Variants in CDH18 observed in about 807,000 individuals in gnomAD.
CDH18 encodes cadherin 18, also known as cadherin-18.
A neutral mutation model predicts 67.9 loss-of-function variants in CDH18; 31 were observed. That is an observed-to-expected ratio of 0.46 (90% confidence interval 0.34 to 0.62). CDH18 has a LOEUF of 0.62. Ranked by LOEUF, CDH18 falls within the 20% of genes least tolerant of loss-of-function variation. The pLI, the probability that CDH18 is intolerant of heterozygous loss-of-function variation, is 0.01. For missense variants in CDH18, 890 were observed against 975.5 expected (o/e 0.91, Z 1.17); for synonymous variants, 362 against 347.2 (o/e 1.04, Z -0.48).
intron 11 of CDH18, among the ~76,000 whole-genome samples, chr5:19,492,550 T>C (rs1269800158): frequency 6.6e-6 from 1 of 152,114 alleles, no homozygotes; most frequent in African/African-American, 2.4e-5. Context: ...AGAAAAAAAC[T>C]ACATTTTAAT....
intron 1 of CDH18, among the ~76,000 whole-genome samples, chr5:20,269,271 C>G (rs938960813): frequency 2.0e-5 from 3 of 152,156 alleles, no homozygotes; most frequent in Non-Finnish European, 4.4e-5. Flanking sequence ...CTCTTATACA[C>G]TGTTGATGGG....
chr5:20,124,736 A>T (rs946328011), intron 2 of CDH18, among the ~76,000 whole-genome samples: 1 of 152,182 alleles, frequency 6.6e-6, no homozygotes, highest in African/African-American at 2.4e-5. Context: ...TTACCGATGC[A>T]TCCCAAAAAT....
In CDH18 at chr5:20,556,868, A is replaced by G. The variant is rs540635309; in HGVS notation, c.-580+18594T>C. 2.2e-4 allele frequency among the ~76,000 whole-genome samples: 34 copies of G among 152,296 alleles called. 1 individual carries two copies. Among genetic ancestry groups the G allele is most frequent in the African/African-American group, 8.2e-4 (34 of 41,578 alleles). On this transcript the variant is annotated intron_variant, in intron 1 of 14. Coordinates refer to the CDH18 transcript ENST00000507958. Reference sequence around the variant, plus strand: ...CTCTTAACTATGAGGATTTCAAATAATTGGTGACATTTTCTTATTATTCTT... The same window carrying G: ...CTCTTAACTATGAGGATTTCAAATAGTTGGTGACATTTTCTTATTATTCTT...
At chr5:19,705,995 A>G (rs745740739) in intron 5 of CDH18, among the ~76,000 whole-genome samples, 3 of 152,170 alleles carry the variant, frequency 2.0e-5, no homozygotes, top group Non-Finnish European at 2.9e-5. Flanking sequence ...AAAGCTTCTT[A>G]TTCTGGCTCA....
intron 1 of CDH18, among the ~76,000 whole-genome samples, chr5:20,545,888 C>T (rs1012168031): frequency 6.6e-6 from 1 of 152,166 alleles, no homozygotes; most frequent in African/African-American, 2.4e-5. Flanking sequence ...ATTTTCCAAA[C>T]CTTTATGCTC....
chr5:19,957,818 A>G (rs74481565), intron 2 of CDH18, among the ~76,000 whole-genome samples: 11,947 of 148,118 alleles, frequency 0.081, 1,545 homozygotes, highest in African/African-American at 0.27. Flanking sequence ...TTTCAGAGTT[A>G]AAGGATTCTG....
chr5:20,385,663 G>A (rs540881294), intron 1 of CDH18, among the ~76,000 whole-genome samples: 34 of 152,202 alleles, frequency 2.2e-4, no homozygotes, highest in South Asian at 1.2e-3. Flanking sequence ...CATCAAGAGG[G>A]GGATATTTTA....
At chr5:19,762,876 A>G (rs957908012) in intron 3 of CDH18, among the ~76,000 whole-genome samples, 1 of 152,224 alleles carries the variant, frequency 6.6e-6, no homozygotes, top group African/African-American at 2.4e-5. Flanking sequence ...AGACTGGATT[A>G]AGAAAATGTG....
intron 2 of CDH18, among the ~76,000 whole-genome samples, chr5:20,170,318 G>T (rs1358550906): frequency 6.6e-6 from 1 of 151,906 alleles, no homozygotes; most frequent in African/African-American, 2.4e-5. Context: ...GAGTATAATG[G>T]CTTCCAGCTC....
intron 1 of CDH18, among the ~76,000 whole-genome samples, chr5:20,324,024 C>T (rs2150011511): frequency 6.6e-6 from 1 of 152,278 alleles, no homozygotes; most frequent in Admixed American, 6.5e-5. Flanking sequence ...TTTCACACAT[C>T]CTACTTTTGC....
chr5:20,502,759 G>T (rs1385396993), intron 1 of CDH18, among the ~76,000 whole-genome samples: 2 of 152,074 alleles, frequency 1.3e-5, no homozygotes. Flanking sequence ...AGATCTATGG[G>T]ACAGGCTTGA....
intron 2 of CDH18, among the ~76,000 whole-genome samples, chr5:19,952,881 G>A (rs1336229141): frequency 2.0e-5 from 3 of 152,076 alleles, no homozygotes; most frequent in African/African-American, 4.8e-5. Flanking sequence ...CTTGAAACTA[G>A]AGCCTCTAAA....
chr5:20,038,991 CAA>C (rs752781949), intron 2 of CDH18, among the ~76,000 whole-genome samples: 1 of 152,188 alleles, frequency 6.6e-6, no homozygotes, highest in Non-Finnish European at 1.5e-5. Context: ...GCAACTTCAT[CAA>C]AGTCTCAGGG....
chr5:20,222,509 G>T (rs1378928251), intron 2 of CDH18, among the ~76,000 whole-genome samples: 1 of 152,094 alleles, frequency 6.6e-6, no homozygotes, highest in Admixed American at 6.6e-5. Context: ...GTGGCTTCTA[G>T]AAATAAGACT....
intron 2 of CDH18, among the ~76,000 whole-genome samples, chr5:20,054,635 T>C (rs1741742925): frequency 6.6e-6 from 1 of 152,154 alleles, no homozygotes; most frequent in Non-Finnish European, 1.5e-5. Flanking sequence ...ACTTCGGGTA[T>C]ATTCTTAGCT....
intron 1 of CDH18, among the ~76,000 whole-genome samples, chr5:20,364,355 A>G (rs1361405936): frequency 1.3e-5 from 2 of 151,312 alleles, no homozygotes; most frequent in South Asian, 2.1e-4. Flanking sequence ...GTTTGTTTTT[A>G]AAGTAATTAA....
chr5:19,590,998 T>G, intron 7 of CDH18, 59 bp downstream of exon 7: 1 of 1,123,518 alleles, frequency 8.9e-7, no homozygotes, highest in Non-Finnish European at 1.3e-6. Context: ...CTCTGCCAAA[T>G]TTCCATTCAG....
rs192685905 is a variant in CDH18, at chr5:19,625,119, T to C, written c.644-12518A>G. Among the ~76,000 whole-genome samples, 270 of 152,248 alleles carry C rather than the reference T, an allele frequency of 1.8e-3. 1 individual carries two copies. Among genetic ancestry groups the C allele is most frequent in the Non-Finnish European group, 2.0e-3 (133 of 68,012 alleles). On this transcript the variant is annotated intron_variant, in intron 5 of 12. Transcript: ENST00000382275. ...TTAGTTGTGGTTAATGCTCTTATTT[T>C]CTGTGGTTCTCATGTTGCCACATCC...
chr5:20,471,844 A>AAAAAAAAAAAAAAAAAAAC (rs1752108375), intron 1 of CDH18, among the ~76,000 whole-genome samples: 2 of 150,016 alleles, frequency 1.3e-5, no homozygotes, highest in East Asian at 2.0e-4. Context: ...AAAAAAAAAA[A>AAAAAAAAAAAAAAAAAAAC]AAAAAAAGCA....
Sources: allele counts gnomAD v4.1 joint callset (sites outside exome capture counted in the v4.1 genomes callset), GRCh38; gene constraint gnomAD v4.1.1; transcripts MANE v1.5; gene names NCBI Gene and HGNC (gene_info 2026-07-23, HGNC 2026-07-21).